The following HABP4 variants were observed in gnomAD, a reference collection of about 807,000 sequenced individuals.
HABP4 encodes the protein hyaluronan binding protein 4, also known as intracellular hyaluronan-binding protein 4.
A neutral mutation model predicts 44.1 loss-of-function variants in HABP4; 32 were observed. The observed-to-expected ratio is 0.73, with a 90% CI of 0.55 to 0.97. The LOEUF is 0.97. Ranked by LOEUF, HABP4 falls within the 50% of genes least tolerant of loss-of-function variation. HABP4 has a pLI of 0.00. For missense variants in HABP4, 503 were observed against 561.9 expected (o/e 0.90, Z 1.06); for synonymous variants, 216 against 218.0 (o/e 0.99, Z 0.08).
intron 4 of HABP4, among the ~76,000 whole-genome samples, chr9:96,466,244 C>A (rs1832599661): frequency 6.6e-6 from 1 of 152,116 alleles, no homozygotes; most frequent in African/African-American, 2.4e-5. Flanking sequence ...GTGGCAGGCA[C>A]CTGTAGTCCC....
At chr9:96,476,339 A>G (rs1832786200) in intron 5 of HABP4, among the ~76,000 whole-genome samples, 1 of 152,248 alleles carries the variant, frequency 6.6e-6, no homozygotes, top group Non-Finnish European at 1.5e-5. Flanking sequence ...AGTGTTAGCT[A>G]GTCTCATCCA....
intron 1 of HABP4, among the ~76,000 whole-genome samples, chr9:96,457,356 A>G (rs1832413234): frequency 6.6e-6 from 1 of 152,052 alleles, no homozygotes. Context: ...AAAAAACACA[A>G]GAACAAAACC....
chr9:96,472,052 G>A (rs531855163), intron 5 of HABP4, among the ~76,000 whole-genome samples: 55 of 152,094 alleles, frequency 3.6e-4, no homozygotes, highest in Non-Finnish European at 7.5e-4. Context: ...GCCTCCCAAA[G>A]TGCTGGGATT....
At chr9:96,481,980 G>C (rs1389379083) in intron 5 of HABP4, among the ~76,000 whole-genome samples, 3 of 148,830 alleles carry the variant, frequency 2.0e-5, no homozygotes, top group Non-Finnish European at 4.4e-5. Context: ...CTGTTGTCCA[G>C]GCTGGAGTGC....
At chr9:96,461,072 G>A (rs1832492177) in intron 2 of HABP4, among the ~76,000 whole-genome samples, 1 of 152,212 alleles carries the variant, frequency 6.6e-6, no homozygotes, top group Non-Finnish European at 1.5e-5. Flanking sequence ...CATGATGCCT[G>A]TTTCACAAGT....
intron 6 of HABP4, among the ~76,000 whole-genome samples, chr9:96,486,149 G>A (rs749379440): frequency 9.2e-5 from 14 of 152,074 alleles, no homozygotes; most frequent in African/African-American, 2.4e-4. Context: ...CCGAGATCAC[G>A]CCATTGCACT....
At chr9:96,458,592 A>T in intron 2 of HABP4, 51 bp downstream of exon 2, 4 of 1,150,678 alleles carry the variant, frequency 3.5e-6, no homozygotes, top group Non-Finnish European at 5.1e-6. Flanking sequence ...AAAGGTTTTG[A>T]GAAAATGCTA....
intron 1 of HABP4, among the ~76,000 whole-genome samples, chr9:96,454,448 CTTTTTTTTTTT>C (rs994572427): frequency 4.5e-4 from 57 of 127,316 alleles, no homozygotes; most frequent in Non-Finnish European, 8.2e-4. Context: ...GTTCTGAACT[CTTTTTTTTTTT>C]TTTTTTTTTG....
At position 96,488,340 on chromosome 9, in the gene HABP4, G is replaced by C. The variant is rs1233413989; in HGVS notation, c.1185+66G>C. 9.0e-7 allele frequency: 1 copy of C among 1,106,586 alleles called. No homozygotes were observed. Among genetic ancestry groups the C allele is most frequent in the Non-Finnish European group, 1.3e-6 (1 of 774,058 alleles). The allele number at this position is 1,106,586 out of a possible 1,614,324, so 68.5% of individuals were successfully genotyped here. On this transcript the variant is annotated intron_variant, in intron 7 of 7. Transcript: ENST00000375249. This position sits in a 1 kb window ranked among gnomAD's most constrained non-coding sequence, Gnocchi z 4.6. ...AGGACAGTGCCCTGGGCCCAGGATGGTCTAATTTCAGAGGGTCATGAGTTT... is the reference window on the plus strand; with the variant it reads ...AGGACAGTGCCCTGGGCCCAGGATGCTCTAATTTCAGAGGGTCATGAGTTT...
Position 96,450,465 on chromosome 9 carries a change from G to T in HABP4, c.186G>T (p.Ala62=). ...AGCGCAAGAGGCGCGACGAGGCGGC[G>T]GCGGCGGCCGGGGCCGGTCCCCGCG... is the stretch of plus-strand genomic sequence containing the variant. ...QLQRKRRDEA[A]AAAGAGPRGG... Residue 62 remains alanine, a synonymous_variant, in exon 1 of 8, where the codon GCG becomes GCT. Transcript: ENST00000375249. The surrounding 1 kb of genome is among the most constrained non-coding windows in gnomAD (Gnocchi z 4.8). 8.1e-7 allele frequency: 1 copy of T among 1,228,172 alleles called. No homozygotes were observed. The highest frequency in any genetic ancestry group is 1.6e-5 in the African/African-American group (1 of 63,376). 76.1% of individuals were successfully genotyped at this position (1,228,172 alleles called of 1,614,324 possible). A position where few individuals can be genotyped will look rare whatever the true frequency, so the allele number is the denominator to read the frequency against.
intron 1 of HABP4, among the ~76,000 whole-genome samples, chr9:96,453,215 C>T (rs1322063529): frequency 3.3e-5 from 5 of 150,028 alleles, no homozygotes; most frequent in African/African-American, 1.2e-4. Context: ...TACAGGCATG[C>T]GCCACCATGC....
chr9:96,465,921 C>T lies in HABP4; in HGVS notation c.743+143C>T, dbSNP rs1331513349. On this transcript the variant is annotated intron_variant, in intron 4 of 7. Transcript: ENST00000375249. ...AGAGATTGATTTTAGGCTTTTGTTT[C>T]GTGAGATAAGTTTTTAAAACAGGTT... The T allele has an allele frequency of 4.4e-5, 26 of 592,578 alleles. 1 individual carries two copies. The Admixed American group carries it at 4.9e-4, about 11-fold the overall frequency. The allele number at this position is 592,578 out of a possible 1,614,324, so 36.7% of individuals were successfully genotyped here. A position where few individuals can be genotyped will look rare whatever the true frequency, so the allele number is the denominator to read the frequency against.
intron 4 of HABP4, 114 bp downstream of exon 4, chr9:96,465,892 A>G (rs750793668): frequency 2.7e-5 from 17 of 621,730 alleles, no homozygotes; most frequent in South Asian, 1.0e-4. Context: ...GTGTGCCCCT[A>G]AGTAGAGATT....
rs1339260634 is a variant in HABP4 at position 96,458,416 on chromosome 9, A to C, written c.387A>C (p.Gly129=). 6 of 1,613,962 alleles carry C rather than the reference A, an allele frequency of 3.7e-6. No individual in the cohort carries two copies. The highest frequency in any genetic ancestry group is 5.1e-6 in the Non-Finnish European group (6 of 1,180,004). The change falls in exon 2 of 8, where the codon GGA becomes GGC. Residue 129 remains glycine (G), a synonymous_variant. Transcript: ENST00000375249. The part of the protein sequence containing the change: ...KRTPRRGEQQ[G]WNDSRGPEGM... ...CTCCTAGAAGAGGGGAGCAGCAAGG[A>C]TGGAATGACAGCCGTGGGCCGGAGG... is the stretch of plus-strand genomic sequence containing the variant.
In HABP4 at chr9:96,450,576, G is replaced by A; in HGVS notation, c.297G>A (p.Pro99=). ...RESQKERKSL[P]APVAQRPDSP... The stretch of plus-strand genomic sequence containing the variant: ...CGCAGAAGGAGCGCAAGAGCCTCCC[G>A]GCGCCCGTCGCTCAGCGGCCCGATA... Residue 99 remains proline (P), a synonymous_variant, in exon 1 of 8, where the codon CCG becomes CCA. Transcript: ENST00000375249. The surrounding 1 kb of genome is among the most constrained non-coding windows in gnomAD (Gnocchi z 4.8). 7.8e-7 allele frequency: 1 copy of A among 1,280,016 alleles called. No individual in the cohort carries two copies. The allele number at this position is 1,280,016 out of a possible 1,614,324, so 79.3% of individuals were successfully genotyped here.
intron 2 of HABP4, among the ~76,000 whole-genome samples, chr9:96,462,611 CAAA>C (rs35043603): frequency 1.6e-5 from 2 of 126,406 alleles, no homozygotes; most frequent in African/African-American, 2.8e-5. Context: ...GACTCTGTCT[CAAA>C]AAAAAAAAAA....
At chr9:96,458,145 A>G (rs1440970385) in intron 1 of HABP4, among the ~76,000 whole-genome samples, 1 of 152,228 alleles carries the variant, frequency 6.6e-6, no homozygotes, top group Non-Finnish European at 1.5e-5. Context: ...TTAGTTGGTC[A>G]TATACTTTCT....
At chr9:96,460,295 G>A (rs1255599933) in intron 2 of HABP4, among the ~76,000 whole-genome samples, 3 of 152,020 alleles carry the variant, frequency 2.0e-5, no homozygotes, top group South Asian at 2.1e-4. Context: ...ATTTCCATCT[G>A]CCCTTCGAGA....
chr9:96,456,809 ATATAT>A (rs1301156352), intron 1 of HABP4, among the ~76,000 whole-genome samples: 20 of 124,984 alleles, frequency 1.6e-4, no homozygotes, highest in African/African-American at 5.5e-4. Flanking sequence ...ATATATATAT[ATATAT>A]ATATATATCC....
Sources: gnomAD v4.1 joint callset for allele counts (sites outside exome capture counted in the v4.1 genomes callset) on GRCh38, gnomAD v4.1.1 for gene constraint, Gnocchi (gnomAD v3.1) non-coding constraint, MANE v1.5 for transcripts, NCBI Gene and HGNC (gene_info 2026-07-23, HGNC 2026-07-21) for gene names.